KDM1B: variants seen among roughly 807,000 people sequenced by gnomAD.
KDM1B encodes lysine-specific histone demethylase 2.
In KDM1B, 63 loss-of-function variants were observed where a neutral mutation model predicts 107.4. That is an observed-to-expected ratio of 0.59 (90% CI 0.48 to 0.72). The LOEUF is 0.72. Ranked by LOEUF, KDM1B falls within the 30% of genes least tolerant of loss-of-function variation. The probability of loss-of-function intolerance (pLI) is 0.00; values close to 1 mark genes in which losing one functional copy is unlikely to be tolerated. For missense variants in KDM1B, 749 were observed against 1,020.8 expected (o/e 0.73, Z 3.63); for synonymous variants, 363 against 363.9 (o/e 1.00, Z 0.03).
chr6:18,217,407 C>G (rs1258605160), intron 20 of KDM1B, among the ~76,000 whole-genome samples: 1 of 135,942 alleles, frequency 7.4e-6, no homozygotes, highest in Non-Finnish European at 1.5e-5. Context: ...GAGATGGAGT[C>G]TGGCTCTGTT....
chr6:18,212,621 C>T lies in KDM1B; in HGVS notation c.1983+17C>T. The T allele has an allele frequency of 6.8e-7, 1 of 1,465,458 alleles. No individual in the cohort carries two copies. The highest frequency in any genetic ancestry group is 9.6e-7 in the Non-Finnish European group (1 of 1,044,466). 90.8% of individuals were successfully genotyped at this position (1,465,458 alleles called of 1,614,324 possible). A position where few individuals can be genotyped will look rare whatever the true frequency, so the allele number is the denominator to read the frequency against. ...ATTGAAAAGGTGACTGAAATGACCT[C>T]ATCCTCAGCAAGAAAGAGATTAATG... On this transcript the variant is annotated intron_variant, in intron 18 of 21. Transcript: ENST00000650836. This position sits in a 1 kb window ranked among gnomAD's most constrained non-coding sequence, Gnocchi z 5.2.
intron 15 of KDM1B, 74 bp from the exon 16 acceptor site, chr6:18,207,324 G>A (rs1005546698): frequency 1.9e-6 from 3 of 1,558,200 alleles, no homozygotes; most frequent in Admixed American, 1.7e-5. Context: ...CCCACCTGGA[G>A]CTCCTCATAT....
intron 7 of KDM1B, among the ~76,000 whole-genome samples, chr6:18,184,273 C>CTTTTTTTTTTTTTTTTT (rs1163110910): frequency 8.6e-6 from 1 of 116,672 alleles, no homozygotes; most frequent in Non-Finnish European, 1.7e-5. Flanking sequence ...GTTCTAGCTT[C>CTTTTTTTTTTTTTTTTT]TTTTTTTTTT....
chr6:18,192,437 A>G (rs1490642654), intron 10 of KDM1B, among the ~76,000 whole-genome samples: 3 of 152,222 alleles, frequency 2.0e-5, no homozygotes, highest in Non-Finnish European at 4.4e-5. Flanking sequence ...ATCCAGAATG[A>G]AATGACATAA....
chr6:18,169,147 C>A (rs1785497327), intron 6 of KDM1B, among the ~76,000 whole-genome samples: 1 of 151,432 alleles, frequency 6.6e-6, no homozygotes, highest in South Asian at 2.1e-4. Context: ...GCTGGGATTA[C>A]AGATGTGAGC....
At position 18,213,593 on chromosome 6, in the gene KDM1B, A is replaced by G; in HGVS notation, c.1984-63A>G. 1 of 1,583,308 alleles carries G rather than the reference A, an allele frequency of 6.3e-7. No individual in the cohort carries two copies. The highest frequency in any genetic ancestry group is 1.3e-5 in the African/African-American group (1 of 74,332). On this transcript the variant is annotated intron_variant, in intron 18 of 21. Coordinates refer to ENST00000650836, the MANE Select transcript of KDM1B (RefSeq NM_001364614.2). This position sits in a 1 kb window ranked among gnomAD's most constrained non-coding sequence, Gnocchi z 5.9. Reference sequence around the variant, plus strand: ...AGAGTAGAGCTACAGGTTGCTGCTTAGATATTGCCTGTGGTTTTGTGACGA... The same window carrying G: ...AGAGTAGAGCTACAGGTTGCTGCTTGGATATTGCCTGTGGTTTTGTGACGA...
At position 18,201,502 on chromosome 6, in the gene KDM1B, A is replaced by T; in HGVS notation, c.1376A>T (p.His459Leu). 1 of 1,548,714 alleles carries T rather than the reference A, an allele frequency of 6.5e-7. No homozygotes were observed. Among genetic ancestry groups the T allele is most frequent in the East Asian group, 2.4e-5 (1 of 40,918 alleles). Residue 459 changes from histidine to leucine, a missense_variant, in exon 14 of 22, where the codon CAT becomes CTT. His to Leu is a moderately conservative substitution (Grantham distance 99). Coordinates refer to ENST00000650836, the MANE Select transcript of KDM1B (RefSeq NM_001364614.2). This position sits in a 1 kb window ranked among gnomAD's most constrained non-coding sequence, Gnocchi z 4.3. ...LMCEQLGISM[H>L]KFGERCDLIQ... is the part of the protein sequence containing the mutation. The stretch of plus-strand genomic sequence containing the variant: ...ATTTTGAAGCTTGGCATCAGCATGC[A>T]TAAATTTGGAGAAAGATGTGACTTA...
chr6:18,202,592 C>T (rs1410764129), intron 14 of KDM1B, among the ~76,000 whole-genome samples: 1 of 152,116 alleles, frequency 6.6e-6, no homozygotes, highest in Non-Finnish European at 1.5e-5. Context: ...AATGTATTCA[C>T]TTGTAGTTCT....
At chr6:18,171,538 A>G (rs2150825869) in intron 7 of KDM1B, 59 bp downstream of exon 7, 5 of 892,790 alleles carry the variant, frequency 5.6e-6, no homozygotes, top group South Asian at 2.6e-5. Context: ...GTAAATAGTA[A>G]TGGTGTATAT....
chr6:18,187,714 C>T (rs1786969168), intron 8 of KDM1B, 78 bp from the exon 9 acceptor site: 1 of 948,440 alleles, frequency 1.1e-6, no homozygotes, highest in Non-Finnish European at 1.6e-6. Context: ...ACGAAGAGAA[C>T]CCTCTGTCCC....
intron 12 of KDM1B, among the ~76,000 whole-genome samples, chr6:18,199,029 A>AAAAAG (rs1561940289): frequency 3.9e-4 from 43 of 110,370 alleles, no homozygotes; most frequent in African/African-American, 1.9e-3. Flanking sequence ...AAAAAAAAAA[A>AAAAAG]AAAAGAAAAA....
chr6:18,181,803 CTT>C (rs1194776154), intron 7 of KDM1B, among the ~76,000 whole-genome samples: 1 of 152,046 alleles, frequency 6.6e-6, no homozygotes, highest in Non-Finnish European at 1.5e-5. Flanking sequence ...AAAAAACAAA[CTT>C]CATGTTTCAA....
rs9465118 is a variant in KDM1B at position 18,205,208 on chromosome 6, G to C, written c.1532-329G>C. On this transcript the variant is annotated intron_variant, in intron 14 of 21. Coordinates refer to ENST00000650836, the MANE Select transcript of KDM1B (RefSeq NM_001364614.2). The surrounding 1 kb of genome is among the most constrained non-coding windows in gnomAD (Gnocchi z 5.7). ...ATCTATGTGTGGGGACAGTTTTTCT[G>C]TATCTTGAGCAAAAGAGGAAACCAC... 6.6e-6 allele frequency among the ~76,000 whole-genome samples: 1 copy of C among 152,092 alleles called. No homozygotes were observed. Among genetic ancestry groups the C allele is most frequent in the Non-Finnish European group, 1.5e-5 (1 of 68,012 alleles).
Position 18,200,610 on chromosome 6 carries a change from G to T in KDM1B, c.1359+34G>T. The T allele has an allele frequency of 6.3e-7, 1 of 1,585,516 alleles. No individual in the cohort carries two copies. Among genetic ancestry groups the T allele is most frequent in the Non-Finnish European group, 8.6e-7 (1 of 1,167,842 alleles). On this transcript the variant is annotated intron_variant, in intron 13 of 21. Coordinates refer to ENST00000650836, the MANE Select transcript of KDM1B (RefSeq NM_001364614.2). The surrounding 1 kb of genome is among the most constrained non-coding windows in gnomAD (Gnocchi z 4.3). Reference sequence around the variant, plus strand: ...CTTTTAGCTTTGTGTTGTAGATAAAGGAAAGAAAAACAGTTTCAATTTGCT... The same window carrying T: ...CTTTTAGCTTTGTGTTGTAGATAAATGAAAGAAAAACAGTTTCAATTTGCT...
chr6:18,169,233 AATTT>A (rs1785502949), intron 6 of KDM1B, among the ~76,000 whole-genome samples: 1 of 132,780 alleles, frequency 7.5e-6, no homozygotes, highest in Admixed American at 7.7e-5. Context: ...TATATATATA[AATTT>A]TTTTTTTTTT....
chr6:18,210,300 T>A (rs1014230221), intron 17 of KDM1B, among the ~76,000 whole-genome samples: 1 of 151,272 alleles, frequency 6.6e-6, no homozygotes, highest in South Asian at 2.1e-4. Context: ...TTTGCCTATT[T>A]GTTTACCCAA....
chr6:18,178,620 T>G (rs569576142), intron 7 of KDM1B, among the ~76,000 whole-genome samples: 3 of 151,360 alleles, frequency 2.0e-5, no homozygotes, highest in Admixed American at 6.6e-5. Flanking sequence ...CTCGAACTCC[T>G]GACCTCGTGA....
Position 18,159,387 on chromosome 6 carries a change from T to C in KDM1B, c.-13-496T>C, listed in dbSNP as rs1340620757. ...TTTTCCTCATTGAATTTTATAAACA[T>C]AGTGTGGTTTGTTTATTGGTCATTC... On this transcript the variant is annotated intron_variant, in intron 2 of 21. Transcript: ENST00000650836. This position sits in a 1 kb window ranked among gnomAD's most constrained non-coding sequence, Gnocchi z 4.5. Among the ~76,000 whole-genome samples, 1 of 152,134 alleles carries C rather than the reference T, an allele frequency of 6.6e-6. No individual in the cohort carries two copies. The highest frequency in any genetic ancestry group is 2.4e-5 in the African/African-American group (1 of 41,404).
chr6:18,205,669 G>A lies in KDM1B; in HGVS notation c.1659+5G>A, dbSNP rs766053652. ...TGTGGCAGCAACCTTCACCAGGTGC[G>A]CTTGGGTTTTGTGAAAGGTGTGCTT... On this transcript the variant is annotated splice_donor_5th_base_variant and intron_variant, in intron 15 of 21. Coordinates refer to ENST00000650836, the MANE Select transcript of KDM1B (RefSeq NM_001364614.2). The surrounding 1 kb of genome is among the most constrained non-coding windows in gnomAD (Gnocchi z 5.7). The A allele has an allele frequency of 1.3e-5, 19 of 1,497,382 alleles. No individual in the cohort carries two copies. Among genetic ancestry groups the A allele is most frequent in the Non-Finnish European group, 1.7e-5 (19 of 1,124,958 alleles). The allele number at this position is 1,497,382 out of a possible 1,614,324, so 92.8% of individuals were successfully genotyped here.
Sources: allele counts gnomAD v4.1 joint callset (sites outside exome capture counted in the v4.1 genomes callset), GRCh38; gene constraint gnomAD v4.1.1; non-coding constraint Gnocchi (gnomAD v3.1); transcripts MANE v1.5; gene names NCBI Gene and HGNC (gene_info 2026-07-23, HGNC 2026-07-21).